The following MFHAS1 variants were observed in gnomAD, a reference collection of about 807,000 sequenced individuals.
MFHAS1 encodes the protein malignant fibrous histiocytoma-amplified sequence 1.
In MFHAS1, 50 loss-of-function variants were observed where a neutral mutation model predicts 70.4. The ratio of observed to expected loss-of-function variants is 0.71; its 90% CI spans 0.57 to 0.90. The LOEUF (loss-of-function observed/expected upper bound fraction) is 0.90. Ranked by LOEUF, MFHAS1 falls within the 40% of genes least tolerant of loss-of-function variation. The pLI is 0.00. For missense variants in MFHAS1, 1,795 were observed against 1,347.6 expected, an observed-to-expected ratio of 1.33 and a Z score of -5.20; for synonymous variants, 952 against 620.0, an observed-to-expected ratio of 1.54 and a Z score of -7.96.
chr8:8,830,203 G>A (rs1006772753), intron 1 of MFHAS1, among the ~76,000 whole-genome samples: 10 of 152,128 alleles, frequency 6.6e-5, no homozygotes, highest in African/African-American at 1.4e-4. Flanking sequence ...GCATGGCTTC[G>A]AGTTCTGTGT....
At chr8:8,799,747 C>G (rs1330549236) in intron 1 of MFHAS1, among the ~76,000 whole-genome samples, 1 of 152,216 alleles carries the variant, frequency 6.6e-6, no homozygotes, top group Non-Finnish European at 1.5e-5. Context: ...CAGAGTGAGA[C>G]TCCGTCTCAA....
chr8:8,824,521 T>TCTCACACACA lies in MFHAS1; in HGVS notation c.2999-27031_2999-27030insTGTGTGTGAG, dbSNP rs1484537416. Among the ~76,000 whole-genome samples the TCTCACACACA allele has an allele frequency of 3.0e-4, 44 of 146,020 alleles. 1 individual carries two copies. The highest frequency in any genetic ancestry group is 1.1e-3 in the African/African-American group (43 of 38,938). ...GAAAGTCTTTCTCTTTCTCTCTCTTTCACACACACACACACACACACACAC... is the reference window on the plus strand; with the variant it reads ...GAAAGTCTTTCTCTTTCTCTCTCTTTCTCACACACACACACACACACACACACACACACAC... On this transcript the variant is annotated intron_variant, in intron 1 of 2. Coordinates refer to ENST00000276282, the MANE Select transcript of MFHAS1 (RefSeq NM_004225.3).
intron 1 of MFHAS1, among the ~76,000 whole-genome samples, chr8:8,820,040 C>T (rs13280206): frequency 0.042 from 6,377 of 152,198 alleles, 183 homozygotes; most frequent in Non-Finnish European, 0.064. Context: ...AATAAACAAT[C>T]CCAGTGTAAA....
intron 1 of MFHAS1, among the ~76,000 whole-genome samples, chr8:8,879,133 G>C (rs1470278975): frequency 2.0e-5 from 3 of 152,162 alleles, no homozygotes; most frequent in Non-Finnish European, 2.9e-5. Context: ...AGGATCACTT[G>C]AGGTCAGGAG....
intron 1 of MFHAS1, among the ~76,000 whole-genome samples, chr8:8,889,615 G>T (rs548015332): frequency 7.9e-4 from 121 of 152,272 alleles, no homozygotes; most frequent in South Asian, 3.5e-3. Context: ...GAAAATTTAA[G>T]TTTTTTAAAA....
At chr8:8,801,970 G>C (rs1016525162) in intron 1 of MFHAS1, among the ~76,000 whole-genome samples, 2 of 152,208 alleles carry the variant, frequency 1.3e-5, no homozygotes, top group Non-Finnish European at 2.9e-5. Context: ...AGCAACTTTT[G>C]TTATCAGAAT....
chr8:8,816,493 G>T (rs1359030646), intron 1 of MFHAS1, among the ~76,000 whole-genome samples: 1 of 152,176 alleles, frequency 6.6e-6, no homozygotes, highest in African/African-American at 2.4e-5. Flanking sequence ...AAGAATCAGG[G>T]AATCTCATAG....
At chr8:8,795,907 C>A (rs1262821197) in intron 2 of MFHAS1, among the ~76,000 whole-genome samples, 2 of 152,110 alleles carry the variant, frequency 1.3e-5, no homozygotes, top group Non-Finnish European at 2.9e-5. Flanking sequence ...ATGTGGCCAG[C>A]TAGGAAGAAA....
chr8:8,841,309 T>C (rs1807813867), intron 1 of MFHAS1, among the ~76,000 whole-genome samples: 1 of 151,942 alleles, frequency 6.6e-6, no homozygotes, highest in Non-Finnish European at 1.5e-5. Flanking sequence ...ACCCCATCTC[T>C]ACTAAAAATA....
At chr8:8,828,817 G>A (rs941184274) in intron 1 of MFHAS1, among the ~76,000 whole-genome samples, 1 of 152,154 alleles carries the variant, frequency 6.6e-6, no homozygotes, top group Non-Finnish European at 1.5e-5. Flanking sequence ...GAGAACTGAG[G>A]GGACAGGATT....
chr8:8,789,536 A>T (rs1805658853), intron 2 of MFHAS1, among the ~76,000 whole-genome samples: 1 of 152,122 alleles, frequency 6.6e-6, no homozygotes, highest in Non-Finnish European at 1.5e-5. Flanking sequence ...CCCTTCCAGG[A>T]TGCAACAAAG....
chr8:8,855,977 G>A (rs1260742503), intron 1 of MFHAS1, among the ~76,000 whole-genome samples: 2 of 152,232 alleles, frequency 1.3e-5, no homozygotes, highest in African/African-American at 4.8e-5. Context: ...AAACACAGAT[G>A]AGAAAAGATG....
At position 8,784,007 on chromosome 8, in the gene MFHAS1, C is replaced by G. The variant is rs1585011700; in HGVS notation, c.*2015G>C. 1 of 152,122 alleles carries G rather than the reference C, an allele frequency of 6.6e-6. No homozygotes were observed. The highest frequency in any genetic ancestry group is 1.5e-5 in the Non-Finnish European group (1 of 68,022). 9.4% of individuals were successfully genotyped at this position (152,122 alleles called of 1,614,324 possible). A position where few individuals can be genotyped will look rare whatever the true frequency, so the allele number is the denominator to read the frequency against. ...GTTCAGATGACAGCATAAAACATCACTGGTCAAAAATATTAGATATTAAGA... is the reference window on the plus strand; with the variant it reads ...GTTCAGATGACAGCATAAAACATCAGTGGTCAAAAATATTAGATATTAAGA... On this transcript the variant is annotated 3_prime_UTR_variant, in exon 3 of 3. Transcript: ENST00000276282.
In MFHAS1 at chr8:8,812,402, G is replaced by A. The variant is rs532785781; in HGVS notation, c.2999-14911C>T. 4.6e-5 allele frequency among the ~76,000 whole-genome samples: 7 copies of A among 152,262 alleles called. No homozygotes were observed. The South Asian group carries it at 8.3e-4, about 18-fold the overall frequency. ...CCAGGGTGGTGGGCACATCTCTGGA[G>A]ATCTTTCTTTCTGCAATTCTCTCCT... On this transcript the variant is annotated intron_variant, in intron 1 of 2. Transcript: ENST00000276282.
Position 8,892,595 on chromosome 8 carries a change from C to T in MFHAS1, c.464G>A (p.Gly155Asp), listed in dbSNP as rs1351049163. 1 of 1,608,826 alleles carries T rather than the reference C, an allele frequency of 6.2e-7. No homozygotes were observed. Among genetic ancestry groups the T allele is most frequent in the Non-Finnish European group, 8.5e-7 (1 of 1,178,092 alleles). Reference protein sequence around the residue: ...NQLPALPAQLGALAHLEELDV... With the variant: ...NQLPALPAQLDALAHLEELDV... ...CAGCTCCTCCAGGTGAGCGAGAGCG[C>T]CCAGCTGGGCGGGCAGGGCGGGCAG... Residue 155 changes from glycine to aspartate, a missense_variant, in exon 1 of 3, where the codon GGC becomes GAC. Physicochemically the swap from Gly to Asp is moderately conservative, Grantham distance 94. Coordinates refer to ENST00000276282, the MANE Select transcript of MFHAS1 (RefSeq NM_004225.3). The surrounding 1 kb of genome is among the most constrained non-coding windows in gnomAD (Gnocchi z 4.7).
chr8:8,791,968 A>C (rs1805733065), intron 2 of MFHAS1, among the ~76,000 whole-genome samples: 1 of 152,182 alleles, frequency 6.6e-6, no homozygotes, highest in Non-Finnish European at 1.5e-5. Flanking sequence ...TCGGCCAGGC[A>C]CGGTGGCTCA....
chr8:8,834,420 C>A (rs1484425993), intron 1 of MFHAS1, among the ~76,000 whole-genome samples: 1 of 152,208 alleles, frequency 6.6e-6, no homozygotes, highest in Non-Finnish European at 1.5e-5. Context: ...ACTTCCAGTA[C>A]GCAGGCTCCA....
chr8:8,871,858 T>G (rs1218034912), intron 1 of MFHAS1, among the ~76,000 whole-genome samples: 1 of 152,200 alleles, frequency 6.6e-6, no homozygotes, highest in Non-Finnish European at 1.5e-5. Context: ...GGCCTCTTTC[T>G]CTAATGCTGG....
At chr8:8,887,687 GA>G (rs1027049274) in intron 1 of MFHAS1, among the ~76,000 whole-genome samples, 1 of 150,310 alleles carries the variant, frequency 6.7e-6, no homozygotes, top group African/African-American at 2.4e-5. Flanking sequence ...TTTCCACATT[GA>G]AAAAAAATCT....
Sources: gnomAD v4.1 joint callset for allele counts (sites outside exome capture counted in the v4.1 genomes callset) on GRCh38, gnomAD v4.1.1 for gene constraint, Gnocchi (gnomAD v3.1) non-coding constraint, MANE v1.5 for transcripts, NCBI Gene and HGNC (gene_info 2026-07-23, HGNC 2026-07-21) for gene names.